Variants in DTWD2 observed in about 807,000 individuals in gnomAD.
DTWD2 encodes tRNA-uridine aminocarboxypropyltransferase 2.
In DTWD2, 39 loss-of-function variants were observed where a neutral mutation model predicts 31.8. The ratio of observed to expected loss-of-function variants is 1.22; its 90% confidence interval spans 0.95 to 1.60. The LOEUF is 1.60. DTWD2 is among the 40% of genes most tolerant of loss of function. The pLI is 0.00. For missense variants in DTWD2, 515 were observed against 381.5 expected (o/e 1.35, Z -2.92); for synonymous variants, 180 against 142.8 (o/e 1.26, Z -1.86).
intron 1 of DTWD2, among the ~76,000 whole-genome samples, chr5:118,956,563 A>C (rs963616493): frequency 6.6e-6 from 1 of 152,210 alleles, no homozygotes; most frequent in Non-Finnish European, 1.5e-5. Context: ...TAGGACCTAC[A>C]AAAAAATCTT....
chr5:118,922,920 TA>T (rs1377305884), intron 4 of DTWD2, among the ~76,000 whole-genome samples: 1 of 152,198 alleles, frequency 6.6e-6, no homozygotes, highest in East Asian at 1.9e-4. Flanking sequence ...TTAGCATAAA[TA>T]AAACCAGCAG....
intron 4 of DTWD2, among the ~76,000 whole-genome samples, chr5:118,858,310 A>G (rs1231760961): frequency 1.3e-5 from 2 of 152,242 alleles, no homozygotes; most frequent in Non-Finnish European, 2.9e-5. Context: ...TCAGAAAAGA[A>G]TATCTATATT....
chr5:118,864,355 G>A (rs1484501867), intron 4 of DTWD2, among the ~76,000 whole-genome samples: 1 of 150,624 alleles, frequency 6.6e-6, no homozygotes, highest in East Asian at 2.0e-4. Flanking sequence ...ACAGGAAGGG[G>A]AACATCACAC....
At chr5:118,870,049 C>G (rs991992613) in intron 4 of DTWD2, among the ~76,000 whole-genome samples, 1 of 152,168 alleles carries the variant, frequency 6.6e-6, no homozygotes, top group Non-Finnish European at 1.5e-5. Context: ...ACTAGCTTCC[C>G]TTCCACCATG....
chr5:118,926,079 A>T (rs563622406), intron 4 of DTWD2, among the ~76,000 whole-genome samples: 8 of 152,136 alleles, frequency 5.3e-5, no homozygotes, highest in Non-Finnish European at 1.0e-4. Context: ...TTTAAAAAGA[A>T]AAAAAAGACA....
chr5:118,879,566 C>G (rs894398544), intron 4 of DTWD2, among the ~76,000 whole-genome samples: 7 of 145,436 alleles, frequency 4.8e-5, no homozygotes, highest in African/African-American at 1.8e-4. Context: ...GCCAAGATCG[C>G]ACCACTACAC....
rs1307646019 is a variant in DTWD2 at position 118,952,685 on chromosome 5, T to C, written c.219-8036A>G. ...ACATTTAGAAACTCTACTCCAAAAG[T>C]CTATTTAAAAGTTGGTTGTCTGGAA... On this transcript the variant is annotated intron_variant, in intron 1 of 5. Transcript: ENST00000510708. 2.6e-5 allele frequency among the ~76,000 whole-genome samples: 4 copies of C among 152,284 alleles called. No homozygotes were observed. In the East Asian group the frequency reaches 7.7e-4, roughly 29 times the overall value.
chr5:118,926,556 T>G (rs1753812885), intron 4 of DTWD2, among the ~76,000 whole-genome samples: 1 of 152,108 alleles, frequency 6.6e-6, no homozygotes, highest in Non-Finnish European at 1.5e-5. Flanking sequence ...AAAAAAGAAT[T>G]CATTGATAAT....
At chr5:118,977,571 T>G (rs1485041108) in intron 1 of DTWD2, among the ~76,000 whole-genome samples, 1 of 152,176 alleles carries the variant, frequency 6.6e-6, no homozygotes, top group African/African-American at 2.4e-5. Flanking sequence ...AAATCATGAA[T>G]GAACTCCCAT....
intron 2 of DTWD2, among the ~76,000 whole-genome samples, chr5:118,942,343 TAAAAAC>T (rs1350290491): frequency 1.3e-5 from 2 of 152,020 alleles, no homozygotes; most frequent in African/African-American, 4.8e-5. Context: ...ACCCCGTTCT[TAAAAAC>T]AGAAAATAAT....
At chr5:118,843,583 A>G (rs1045943976) in intron 5 of DTWD2, among the ~76,000 whole-genome samples, 5 of 152,336 alleles carry the variant, frequency 3.3e-5, no homozygotes, top group African/African-American at 1.2e-4. Flanking sequence ...CCCAGGAAAC[A>G]TACCTAGGAT....
At position 118,941,748 on chromosome 5, in the gene DTWD2, C is replaced by T. The variant is rs189918820; in HGVS notation, c.310-2458G>A. On this transcript the variant is annotated intron_variant, in intron 2 of 5. Coordinates refer to ENST00000510708, the MANE Select transcript of DTWD2 (RefSeq NM_173666.4). ...TTCTAGTTCTAGATCCCTGAGGAAT[C>T]GCCACACAGACTTCCACAATGGTTG... 7.6e-3 allele frequency among the ~76,000 whole-genome samples: 1,150 copies of T among 152,288 alleles called. 20 individuals are homozygous for T. Among genetic ancestry groups the T allele is most frequent in the East Asian group, 0.043 (221 of 5,186 alleles).
intron 1 of DTWD2, among the ~76,000 whole-genome samples, chr5:118,963,544 T>A (rs1043290718): frequency 6.6e-6 from 1 of 152,178 alleles, no homozygotes; most frequent in Non-Finnish European, 1.5e-5. Context: ...AATATAAGCA[T>A]TGAAGTTCTC....
At chr5:118,851,214 ATCT>A (rs1391843570) in intron 4 of DTWD2, among the ~76,000 whole-genome samples, 1 of 133,940 alleles carries the variant, frequency 7.5e-6, no homozygotes, top group Non-Finnish European at 1.6e-5. Flanking sequence ...GTGAGACCCT[ATCT>A]CAAAAAAAAA....
intron 4 of DTWD2, among the ~76,000 whole-genome samples, chr5:118,850,064 A>T (rs1283014338): frequency 6.6e-6 from 1 of 152,016 alleles, no homozygotes; most frequent in East Asian, 1.9e-4. Flanking sequence ...AATAAAAAAT[A>T]AAAAATGGGG....
intron 1 of DTWD2, among the ~76,000 whole-genome samples, chr5:118,945,774 A>AAAGAAAG (rs1554069059): frequency 7.4e-6 from 1 of 134,260 alleles, no homozygotes; most frequent in Non-Finnish European, 1.6e-5. Flanking sequence ...CAAAAAAAAA[A>AAAGAAAG]AAAGAAAGAA....
chr5:118,951,585 T>C (rs139830092), intron 1 of DTWD2, among the ~76,000 whole-genome samples: 5 of 152,320 alleles, frequency 3.3e-5, no homozygotes, highest in African/African-American at 1.2e-4. Flanking sequence ...CTGTCAAGTT[T>C]GTATTGGGGT....
chr5:118,907,468 C>A (rs1753360429), intron 4 of DTWD2, among the ~76,000 whole-genome samples: 1 of 152,134 alleles, frequency 6.6e-6, no homozygotes, highest in South Asian at 2.1e-4. Flanking sequence ...TGGTGGCTCA[C>A]ACCTGTAAAC....
intron 1 of DTWD2, among the ~76,000 whole-genome samples, chr5:118,966,829 A>G (rs554058143): frequency 2.0e-5 from 3 of 152,234 alleles, no homozygotes; most frequent in African/African-American, 4.8e-5. Context: ...CAGGAGTGCG[A>G]GAACAGCCTG....
Sources: allele counts gnomAD v4.1 joint callset (sites outside exome capture counted in the v4.1 genomes callset), GRCh38; gene constraint gnomAD v4.1.1; transcripts MANE v1.5; gene names NCBI Gene and HGNC (gene_info 2026-07-23, HGNC 2026-07-21).